MROH9: variants seen among roughly 807,000 people sequenced by gnomAD.
MROH9 encodes the protein maestro heat like repeat family member 9, also known as maestro heat-like repeat-containing protein family member 9.
MROH9 carries 92 observed loss-of-function variants against 98.2 expected under a neutral mutation model. That is an observed-to-expected ratio of 0.94 (90% CI 0.79 to 1.11). The LOEUF (loss-of-function observed/expected upper bound fraction) is 1.11. Ranked by LOEUF, MROH9 falls within the 50% of genes most tolerant of loss-of-function variation. MROH9 has a pLI of 0.00. For missense variants in MROH9, 1,057 were observed against 1,014.8 expected (o/e 1.04, Z -0.57); for synonymous variants, 397 against 368.9 (o/e 1.08, Z -0.87).
At chr1:170,948,858 T>C (rs1004944935) in intron 3 of MROH9, among the ~76,000 whole-genome samples, 1 of 151,958 alleles carries the variant, frequency 6.6e-6, no homozygotes, top group South Asian at 2.1e-4. Flanking sequence ...TGTAAAGGCG[T>C]GGAGAAAGAA....
At chr1:171,005,184 C>T (rs1362711776) in intron 15 of MROH9, among the ~76,000 whole-genome samples, 1 of 152,094 alleles carries the variant, frequency 6.6e-6, no homozygotes, top group Non-Finnish European at 1.5e-5. Context: ...TCCACCTTAG[C>T]CTCCAGAGTA....
At chr1:171,035,118 TAAAC>T (rs758356015) in intron 20 of MROH9, among the ~76,000 whole-genome samples, 27 of 152,186 alleles carry the variant, frequency 1.8e-4, no homozygotes, top group Non-Finnish European at 2.9e-4. Context: ...TAACTGAAGA[TAAAC>T]AAAATATTTC....
intron 7 of MROH9, among the ~76,000 whole-genome samples, chr1:170,966,909 T>A (rs1650255360): frequency 6.6e-6 from 1 of 152,180 alleles, no homozygotes; most frequent in African/African-American, 2.4e-5. Flanking sequence ...TAAAATGTGT[T>A]ATATATTCAG....
At chr1:171,023,954 CTA>C (rs1652606379) in intron 17 of MROH9, among the ~76,000 whole-genome samples, 1 of 152,186 alleles carries the variant, frequency 6.6e-6, no homozygotes, top group East Asian at 1.9e-4. Flanking sequence ...CTCTCCTCTT[CTA>C]TGAGTTCAAC....
chr1:171,048,593 C>T (rs369579497), intron 20 of MROH9, among the ~76,000 whole-genome samples: 9 of 152,122 alleles, frequency 5.9e-5, no homozygotes, highest in African/African-American at 1.9e-4. Context: ...ATCCAAAAGT[C>T]AAGTCCTGGA....
chr1:171,056,749 G>A (rs188916434), intron 20 of MROH9, among the ~76,000 whole-genome samples: 1 of 152,170 alleles, frequency 6.6e-6, no homozygotes, highest in Non-Finnish European at 1.5e-5. Flanking sequence ...CCTGCCAGAA[G>A]ATGGAGCAGG....
At chr1:170,963,489 T>A (rs1406593786) in intron 6 of MROH9, among the ~76,000 whole-genome samples, 3 of 151,896 alleles carry the variant, frequency 2.0e-5, no homozygotes, top group Non-Finnish European at 4.4e-5. Context: ...ATATAATATA[T>A]CCAGAGGAAT....
intron 15 of MROH9, chr1:170,998,476 C>A: frequency 1.3e-6 from 2 of 1,511,480 alleles, no homozygotes; most frequent in East Asian, 2.3e-5. Flanking sequence ...TCAGCTTTCC[C>A]CAGCAGTTGG....
At chr1:170,992,436 T>C (rs570636239) in intron 12 of MROH9, 107 bp downstream of exon 12, 32 of 1,137,528 alleles carry the variant, frequency 2.8e-5, no homozygotes, top group Non-Finnish European at 3.6e-5. Context: ...AGTCCTCTTC[T>C]CATGCATCCA....
At chr1:170,938,066 C>A (rs1648969866) in intron 1 of MROH9, among the ~76,000 whole-genome samples, 1 of 152,174 alleles carries the variant, frequency 6.6e-6, no homozygotes, top group African/African-American at 2.4e-5. Context: ...TCCTTGCCTC[C>A]ATTATGGAAT....
chr1:170,967,710 T>C (rs1650285825), intron 7 of MROH9, among the ~76,000 whole-genome samples: 1 of 152,222 alleles, frequency 6.6e-6, no homozygotes, highest in Non-Finnish European at 1.5e-5. Flanking sequence ...TTGTCTCACA[T>C]GACTCATGTG....
At chr1:170,974,708 G>C (rs1187705115) in intron 8 of MROH9, among the ~76,000 whole-genome samples, 1 of 151,914 alleles carries the variant, frequency 6.6e-6, no homozygotes, top group African/African-American at 2.4e-5. Flanking sequence ...CGAAAATCTA[G>C]ATCTACAAAA....
At chr1:171,050,502 G>A (rs1055890586) in intron 20 of MROH9, among the ~76,000 whole-genome samples, 3 of 152,170 alleles carry the variant, frequency 2.0e-5, no homozygotes, top group African/African-American at 7.2e-5. Context: ...GTATGAAAAT[G>A]CTACTGATTT....
At chr1:171,012,053 C>T (rs899921537) in intron 15 of MROH9, among the ~76,000 whole-genome samples, 2 of 151,850 alleles carry the variant, frequency 1.3e-5, no homozygotes, top group African/African-American at 4.8e-5. Flanking sequence ...TATGCATTTA[C>T]TTCCAACTAT....
At chr1:170,948,705 C>A (rs947614620) in intron 3 of MROH9, among the ~76,000 whole-genome samples, 4 of 151,928 alleles carry the variant, frequency 2.6e-5, no homozygotes, top group Non-Finnish European at 5.9e-5. Flanking sequence ...GAAGAAGTTA[C>A]AATATTCAGG....
chr1:170,976,002 G>C (rs1426135188), intron 8 of MROH9, among the ~76,000 whole-genome samples: 1 of 151,986 alleles, frequency 6.6e-6, no homozygotes, highest in Non-Finnish European at 1.5e-5. Context: ...CCATTTGCTT[G>C]GTAGGTTTTT....
At chr1:171,015,047 C>A (rs1463662699) in intron 16 of MROH9, 1 of 471,712 alleles carries the variant, frequency 2.1e-6, no homozygotes, top group African/African-American at 2.0e-5. Context: ...TTCTGTAATT[C>A]TACACTCCAA....
chr1:171,001,410 C>G (rs1004730795), intron 15 of MROH9, among the ~76,000 whole-genome samples: 3 of 151,980 alleles, frequency 2.0e-5, no homozygotes, highest in Non-Finnish European at 4.4e-5. Context: ...TTAGCACCGT[C>G]TTAGCTGTAT....
Position 171,064,200 on chromosome 1 carries a change from C to A in MROH9, c.2446C>A (p.Pro816Thr), listed in dbSNP as rs1191935208. The change falls in exon 22 of 22, where the codon CCT becomes ACT. Residue 816 changes from proline (P) to threonine (T), a missense_variant. Physicochemically the swap from Pro to Thr is conservative, Grantham distance 38. Coordinates refer to ENST00000367759, the MANE Select transcript of MROH9 (RefSeq NM_001163629.2). ...KKKAHKLTSA[P>T]LKQNFQKLLK... ...AAAAGCCCATAAACTGACCTCTGCA[C>A]CTCTTAAACAAAACTTCCAAAAATT... 2 of 1,551,388 alleles carry A rather than the reference C, an allele frequency of 1.3e-6. No homozygotes were observed. Among genetic ancestry groups the A allele is most frequent in the Non-Finnish European group, 1.7e-6 (2 of 1,146,914 alleles).
Sources: gnomAD v4.1 joint callset for allele counts (sites outside exome capture counted in the v4.1 genomes callset) on GRCh38, gnomAD v4.1.1 for gene constraint, MANE v1.5 for transcripts, NCBI Gene and HGNC (gene_info 2026-07-23, HGNC 2026-07-21) for gene names.